PCSK5: variants seen among roughly 807,000 people sequenced by gnomAD.
The protein encoded by PCSK5 is proprotein convertase subtilisin/kexin type 5.
In PCSK5, 129 loss-of-function variants were observed where a neutral mutation model predicts 233.2. That is an observed-to-expected ratio of 0.55 (90% confidence interval 0.48 to 0.64). PCSK5 has a LOEUF of 0.64. Among genes scored for constraint, PCSK5 ranks in the 30% least tolerant of loss-of-function variants. PCSK5 has a pLI of 0.00. For synonymous variants in PCSK5, 825 were observed against 879.2 expected (o/e 0.94, Z 1.09); for missense variants, 2,076 against 2,430.1 (o/e 0.85, Z 3.06).
At chr9:76,211,359 C>A (rs532017936) in intron 20 of PCSK5, among the ~76,000 whole-genome samples, 1 of 152,310 alleles carries the variant, frequency 6.6e-6, no homozygotes, top group African/African-American at 2.4e-5. Context: ...ATTATTATTT[C>A]TTTCCCTCAG....
intron 9 of PCSK5, among the ~76,000 whole-genome samples, chr9:76,121,876 T>C: frequency 2.5e-5 from 1 of 39,472 alleles, no homozygotes; most frequent in East Asian, 8.8e-4. Flanking sequence ...CAGGCTGGAG[T>C]GCAGTGGCGG....
At chr9:76,303,124 C>A (rs1345929902) in intron 28 of PCSK5, among the ~76,000 whole-genome samples, 1 of 152,080 alleles carries the variant, frequency 6.6e-6, no homozygotes, top group African/African-American at 2.4e-5. Flanking sequence ...CCTGCCCAGG[C>A]CTAATTGCTA....
chr9:76,308,704 AC>A lies in PCSK5; in HGVS notation c.3665del (p.Thr1222IlefsTer29). 6.2e-7 allele frequency: 1 copy of A among 1,609,334 alleles called. No homozygotes were observed. Among genetic ancestry groups the A allele is most frequent in the Non-Finnish European group, 8.5e-7 (1 of 1,176,740 alleles). On this transcript the variant is annotated frameshift_variant, in exon 29 of 38. Transcript: ENST00000674117. LOFTEE classifies it high-confidence loss of function. ...TTGTAAAACCTGCAATGGATCTGCA[AC>A]TCTGTGCACTTCATGTCCCAAAGGT... Reference protein sequence around the residue: ...SSCKTCNGSATLCTSCPKGAY... With the variant: ...SSCKTCNGSAXLCTSCPKGAY...
intron 4 of PCSK5, 94 bp from the exon 5 acceptor site, chr9:76,026,867 C>A (rs914237959): frequency 2.4e-6 from 2 of 823,980 alleles, no homozygotes; most frequent in South Asian, 1.7e-5. Flanking sequence ...TACTTTCTGG[C>A]AGAAATGTAT....
At chr9:76,184,910 A>G (rs1464000761) in intron 17 of PCSK5, among the ~76,000 whole-genome samples, 153 bp downstream of exon 17, 1 of 152,218 alleles carries the variant, frequency 6.6e-6, no homozygotes, top group Admixed American at 6.5e-5. Flanking sequence ...TATTTGCATT[A>G]TCTCTGCTAT....
At chr9:76,214,523 A>G (rs1179397946) in intron 20 of PCSK5, among the ~76,000 whole-genome samples, 1 of 152,156 alleles carries the variant, frequency 6.6e-6, no homozygotes, top group Admixed American at 6.5e-5. Flanking sequence ...GGTGACCTTA[A>G]CAGACCACTA....
At chr9:76,007,475 T>A (rs1477869954) in intron 3 of PCSK5, among the ~76,000 whole-genome samples, 1 of 146,988 alleles carries the variant, frequency 6.8e-6, no homozygotes, top group Non-Finnish European at 1.5e-5. Flanking sequence ...GGAATTTGAA[T>A]GACTTATTAA....
At chr9:76,083,882 G>T (rs768408589) in intron 7 of PCSK5, among the ~76,000 whole-genome samples, 9 of 152,194 alleles carry the variant, frequency 5.9e-5, no homozygotes. Context: ...ATCCAGGAGG[G>T]ATATGTTTTT....
chr9:76,002,159 G>T (rs1827290454), intron 3 of PCSK5, among the ~76,000 whole-genome samples: 1 of 152,134 alleles, frequency 6.6e-6, no homozygotes. Flanking sequence ...AGTATGAAAA[G>T]GTTGTATACC....
intron 24 of PCSK5, among the ~76,000 whole-genome samples, chr9:76,269,139 A>C (rs1587821056): frequency 6.6e-6 from 1 of 152,374 alleles, no homozygotes; most frequent in South Asian, 2.1e-4. Flanking sequence ...CTGCATGCAG[A>C]ACTCGAGGTA....
chr9:75,897,235 A>G (rs983057312), intron 1 of PCSK5, among the ~76,000 whole-genome samples: 2 of 152,146 alleles, frequency 1.3e-5, no homozygotes, highest in Non-Finnish European at 1.5e-5. Context: ...ATAACAACAT[A>G]CAGTAATTTT....
intron 35 of PCSK5, among the ~76,000 whole-genome samples, chr9:76,343,132 T>TA (rs151296297): frequency 0.016 from 2,496 of 151,432 alleles, 64 homozygotes; most frequent in African/African-American, 0.057. Flanking sequence ...CATCTCCACT[T>TA]AAAAAACAAC....
At chr9:76,100,958 C>T (rs959146745) in intron 8 of PCSK5, among the ~76,000 whole-genome samples, 2 of 152,166 alleles carry the variant, frequency 1.3e-5, no homozygotes, top group African/African-American at 2.4e-5. Flanking sequence ...CCAAATATCA[C>T]TTCATTTTTG....
intron 3 of PCSK5, among the ~76,000 whole-genome samples, chr9:76,011,546 T>C (rs554216279): frequency 3.9e-5 from 6 of 152,192 alleles, no homozygotes; most frequent in Non-Finnish European, 8.8e-5. Context: ...AGTGAGATGG[T>C]TTTTCCTTTA....
chr9:76,033,564 T>C (rs1009310506), intron 5 of PCSK5, among the ~76,000 whole-genome samples: 1 of 152,054 alleles, frequency 6.6e-6, no homozygotes, highest in African/African-American at 2.4e-5. Context: ...GCTTAATGTA[T>C]ACCAAACATG....
intron 20 of PCSK5, among the ~76,000 whole-genome samples, chr9:76,220,526 C>CAAAAAAAAAAAAAAAAAAAAA: frequency 9.9e-6 from 1 of 100,548 alleles, no homozygotes; most frequent in Non-Finnish European, 1.9e-5. Flanking sequence ...GACTCTGTCT[C>CAAAAAAAAAAAAAAAAAAAAA]AAAAAAAAAA....
intron 24 of PCSK5, among the ~76,000 whole-genome samples, chr9:76,291,043 G>C (rs1163416430): frequency 6.6e-6 from 1 of 152,240 alleles, no homozygotes; most frequent in Non-Finnish European, 1.5e-5. Context: ...GGCCAGCACT[G>C]TTTCTACTGC....
chr9:75,977,401 C>A (rs1826072454), intron 2 of PCSK5, among the ~76,000 whole-genome samples: 1 of 133,742 alleles, frequency 7.5e-6, no homozygotes, highest in African/African-American at 2.7e-5. Flanking sequence ...CCACATATTT[C>A]CAGGTTCTTG....
chr9:76,292,201 GA>G (rs1365657442), intron 24 of PCSK5, 31 bp from the exon 25 acceptor site: 3 of 1,339,006 alleles, frequency 2.2e-6, no homozygotes, highest in Admixed American at 3.4e-5. Context: ...AATTCCTCAT[GA>G]TTATTACTTT....
Sources: gnomAD v4.1 joint callset for allele counts (sites outside exome capture counted in the v4.1 genomes callset) on GRCh38, gnomAD v4.1.1 for gene constraint, MANE v1.5 for transcripts, NCBI Gene and HGNC (gene_info 2026-07-23, HGNC 2026-07-21) for gene names.